GALNT13: variants seen among roughly 807,000 people sequenced by gnomAD.
GALNT13 encodes UDP-GalNAc:polypeptide N-acetylgalactosaminyltransferase 13.
GALNT13 carries 28 observed loss-of-function variants against 64.2 expected under a neutral mutation model. That is an observed-to-expected ratio of 0.44 (90% confidence interval 0.32 to 0.60). The LOEUF is 0.60. Among genes scored for constraint, GALNT13 ranks in the 20% least tolerant of loss-of-function variants. The probability of loss-of-function intolerance (pLI) is 0.05; values close to 1 mark genes in which losing one functional copy is unlikely to be tolerated. For synonymous variants in GALNT13, 214 were observed against 224.6 expected (o/e 0.95, Z 0.42); for missense variants, 577 against 669.8 (o/e 0.86, Z 1.53).
intron 8 of GALNT13, chr2:154,287,092 G>A: frequency 1.1e-6 from 1 of 950,086 alleles, no homozygotes. Flanking sequence ...CTTTGGGCAA[G>A]CAGCCACCTT....
the GALNT13 span, among the ~76,000 whole-genome samples, chr2:153,311,114 A>G: frequency 2.0e-5 from 3 of 152,356 alleles, no homozygotes; most frequent in East Asian, 5.8e-4. Context: ...ATGACAGAAT[A>G]CAAATTTTAA....
At chr2:153,195,848 G>C in the GALNT13 span, among the ~76,000 whole-genome samples, 1 of 152,188 alleles carries the variant, frequency 6.6e-6, no homozygotes, top group Non-Finnish European at 1.5e-5. Context: ...TGATAGAACA[G>C]CTCAGAGGAG....
At chr2:153,548,858 C>T in the GALNT13 span, among the ~76,000 whole-genome samples, 2 of 152,070 alleles carry the variant, frequency 1.3e-5, no homozygotes, top group East Asian at 1.9e-4. Context: ...ATAACACTCC[C>T]GAAGTGGAAA....
intron 3 of GALNT13, among the ~76,000 whole-genome samples, chr2:154,005,930 A>T (rs537558815): frequency 3.9e-5 from 6 of 152,294 alleles, no homozygotes; most frequent in African/African-American, 1.4e-4. Flanking sequence ...TGCTACCTGT[A>T]CAAGGACCAT....
At chr2:153,344,049 A>G in the GALNT13 span, among the ~76,000 whole-genome samples, 1 of 152,162 alleles carries the variant, frequency 6.6e-6, no homozygotes, top group Non-Finnish European at 1.5e-5. Context: ...TGTCTATACT[A>G]TAATTTCTTT....
the GALNT13 span, among the ~76,000 whole-genome samples, chr2:153,156,202 A>G: frequency 2.0e-5 from 3 of 152,194 alleles, no homozygotes; most frequent in Non-Finnish European, 2.9e-5. Flanking sequence ...AGAAGAATGT[A>G]TATTTTGTTG....
chr2:153,257,198 G>A, the GALNT13 span, among the ~76,000 whole-genome samples: 1 of 152,178 alleles, frequency 6.6e-6, no homozygotes, highest in Non-Finnish European at 1.5e-5. Context: ...GTATTCGGGT[G>A]GGAGTGACCT....
chr2:154,313,417 GATAT>G (rs10567387), intron 9 of GALNT13, among the ~76,000 whole-genome samples: 8 of 58,314 alleles, frequency 1.4e-4, no homozygotes, highest in African/African-American at 3.2e-4. Flanking sequence ...ACCCAGTAGA[GATAT>G]ATATATATAT....
intron 4 of GALNT13, among the ~76,000 whole-genome samples, chr2:154,185,892 G>T (rs1686223851): frequency 6.6e-6 from 1 of 151,802 alleles, no homozygotes. Context: ...AGTTCAAATG[G>T]ATATTTTCAC....
chr2:153,381,947 C>A, the GALNT13 span, among the ~76,000 whole-genome samples: 1 of 152,026 alleles, frequency 6.6e-6, no homozygotes, highest in Non-Finnish European at 1.5e-5. Context: ...TCATTTCATT[C>A]CAGTGAGATT....
At chr2:153,670,098 C>A in the GALNT13 span, among the ~76,000 whole-genome samples, 1 of 152,214 alleles carries the variant, frequency 6.6e-6, no homozygotes, top group Non-Finnish European at 1.5e-5. Flanking sequence ...CTCTAGATTC[C>A]ACCTCTGGGG....
At position 154,242,018 on chromosome 2, in the gene GALNT13, T is replaced by A. The variant is rs754009572; in HGVS notation, c.312-12T>A. On this transcript the variant is annotated splice_polypyrimidine_tract_variant and intron_variant, in intron 4 of 12. Transcript: ENST00000392825. ...GCATTTATTAAGATCCCTCTTCTTT[T>A]CTCTTTTTCAGATGTAAGACAAAAG... The A allele has an allele frequency of 6.5e-7, 1 of 1,544,954 alleles. No individual in the cohort carries two copies. The highest frequency in any genetic ancestry group is 1.2e-5 in the South Asian group (1 of 82,830).
chr2:153,459,623 C>G, the GALNT13 span, among the ~76,000 whole-genome samples: 1 of 152,054 alleles, frequency 6.6e-6, no homozygotes, highest in African/African-American at 2.4e-5. Flanking sequence ...AAGCTTTAAT[C>G]TAAAACTCTC....
Position 154,435,517 on chromosome 2 carries a change from A to G in GALNT13, c.1396-3075A>G, listed in dbSNP as rs371545685. 2.0e-5 allele frequency among the ~76,000 whole-genome samples: 3 copies of G among 152,300 alleles called. No individual in the cohort carries two copies. In the South Asian group the frequency reaches 6.2e-4, roughly 32 times the overall value. ...GCATGAGATTTGGAGATTGTCCCCA[A>G]AGTCATAAAGGAACTCATAAGTAGT... On this transcript the variant is annotated intron_variant, in intron 11 of 12. Transcript: ENST00000392825.
At chr2:153,838,247 A>G in the GALNT13 span, among the ~76,000 whole-genome samples, 3 of 151,756 alleles carry the variant, frequency 2.0e-5, no homozygotes, top group South Asian at 6.2e-4. Flanking sequence ...GAAACTTTTT[A>G]GTTTGATGTA....
the GALNT13 span, among the ~76,000 whole-genome samples, chr2:153,842,591 G>T: frequency 6.7e-6 from 1 of 149,850 alleles, no homozygotes; most frequent in African/African-American, 2.4e-5. Flanking sequence ...AGTAAAACTA[G>T]TTTTTTTTTT....
chr2:153,818,645 G>A, the GALNT13 span, among the ~76,000 whole-genome samples: 1 of 152,168 alleles, frequency 6.6e-6, no homozygotes, highest in African/African-American at 2.4e-5. Context: ...AACAGGCAAG[G>A]CTTGGCACCT....
rs574123712 is a variant in GALNT13 at position 154,298,466 on chromosome 2, TA to T, written c.976-2940del. 5.5e-3 allele frequency among the ~76,000 whole-genome samples: 587 copies of T among 106,136 alleles called. 6 individuals carry two copies. The highest frequency in any genetic ancestry group is 0.019 in the African/African-American group (566 of 30,134). The allele number at this position is 106,136 out of a possible 152,430, so 69.6% of individuals were successfully genotyped here. On this transcript the variant is annotated intron_variant, in intron 8 of 12. Transcript: ENST00000392825. ...TATATATAATTTATATATACATATATAAATTATATATAAATTATATATAAAT... is the reference window on the plus strand; with the variant it reads ...TATATATAATTTATATATACATATATAATTATATATAAATTATATATAAAT...
chr2:154,166,607 C>T (rs1415247754), intron 4 of GALNT13, among the ~76,000 whole-genome samples: 1 of 152,192 alleles, frequency 6.6e-6, no homozygotes, highest in African/African-American at 2.4e-5. Flanking sequence ...TACCATTTGA[C>T]CTAGCCATCC....
Sources: gnomAD v4.1 joint callset for allele counts (sites outside exome capture counted in the v4.1 genomes callset) on GRCh38, gnomAD v4.1.1 for gene constraint, MANE v1.5 for transcripts, NCBI Gene and HGNC (gene_info 2026-07-23, HGNC 2026-07-21) for gene names.